Variants in BICD1 observed in about 807,000 individuals in gnomAD.
BICD1 encodes the protein BICD cargo adaptor 1, also known as protein bicaudal D homolog 1.
Under a neutral mutation model 92.5 loss-of-function variants are expected in BICD1, and 35 were observed. That is an observed-to-expected ratio of 0.38 (90% CI 0.29 to 0.50). BICD1 has a LOEUF of 0.50. BICD1 is among the 20% of genes least tolerant of loss of function. BICD1 has a pLI of 0.93. For synonymous variants in BICD1, 429 were observed against 465.1 expected, an observed-to-expected ratio of 0.92 and a Z score of 1.00; for missense variants, 950 against 1,189.8, an observed-to-expected ratio of 0.80 and a Z score of 2.97.
intron 4 of BICD1, among the ~76,000 whole-genome samples, chr12:32,307,080 T>A (rs547401257): frequency 6.6e-6 from 1 of 152,090 alleles, no homozygotes; most frequent in South Asian, 2.1e-4. Flanking sequence ...AACAAAAGAA[T>A]TCAAAAGCTT....
rs189798509 is a variant in BICD1 at position 32,315,088 on chromosome 12, T to C, written c.1005+8966T>C. Among the ~76,000 whole-genome samples, 10 of 152,354 alleles carry C rather than the reference T, an allele frequency of 6.6e-5. No homozygotes were observed. The East Asian group carries it at 1.9e-3, about 29-fold the overall frequency. ...TCCTCTAAGAGTTTTATAGTTTATC[T>C]CTTACATTTAGGTCTTTGATCCATT... On this transcript the variant is annotated intron_variant, in intron 4 of 9. Coordinates refer to ENST00000652176, the MANE Select transcript of BICD1 (RefSeq NM_001714.4).
chr12:32,200,683 T>C (rs7296468), intron 1 of BICD1, among the ~76,000 whole-genome samples: 95,832 of 151,958 alleles, frequency 0.63, 31,243 homozygotes, highest in Middle Eastern at 0.8. Flanking sequence ...TTATATGCAA[T>C]AGTGAATAAT....
At chr12:32,348,334 T>A (rs1303132583) in intron 8 of BICD1, among the ~76,000 whole-genome samples, 1 of 152,208 alleles carries the variant, frequency 6.6e-6, no homozygotes, top group Non-Finnish European at 1.5e-5. Flanking sequence ...TTGACTATTT[T>A]AGTACCATTA....
chr12:32,359,845 T>C (rs938811606), intron 8 of BICD1, among the ~76,000 whole-genome samples: 9 of 152,132 alleles, frequency 5.9e-5, no homozygotes, highest in African/African-American at 1.9e-4. Flanking sequence ...GAGGCGTGTG[T>C]GTTCCTTATA....
Position 32,305,936 on chromosome 12 carries a change from C to T in BICD1, c.819C>T (p.Ala273=), listed in dbSNP as rs200219193. Residue 273 remains alanine, a synonymous_variant, in exon 4 of 10, where the codon GCC becomes GCT. Transcript: ENST00000652176. ...ISISVDGLKF[A]EDGSEPNNDD... ...TCTCAGTAGATGGACTCAAATTTGCCGAGGATGGGAGTGAACCAAACAATG... is the reference window on the plus strand; with the variant it reads ...TCTCAGTAGATGGACTCAAATTTGCTGAGGATGGGAGTGAACCAAACAATG... The T allele has an allele frequency of 5.0e-6, 8 of 1,613,932 alleles. No individual in the cohort carries two copies. Among genetic ancestry groups the T allele is most frequent in the East Asian group, 4.5e-5 (2 of 44,894 alleles).
chr12:32,374,950 GCT>G (rs1183706940), intron 9 of BICD1, among the ~76,000 whole-genome samples: 1 of 97,614 alleles, frequency 1.0e-5, no homozygotes, highest in Non-Finnish European at 1.8e-5. Context: ...ACGGAGTCTC[GCT>G]CTGTCGTCCA....
chr12:32,151,208 A>G (rs138654976), intron 1 of BICD1, among the ~76,000 whole-genome samples: 7,441 of 152,292 alleles, frequency 0.049, 270 homozygotes, highest in Non-Finnish European at 0.078. Context: ...ACATAGAAGC[A>G]CAGGTTCCCA....
At chr12:32,316,495 T>A (rs1948504463) in intron 4 of BICD1, among the ~76,000 whole-genome samples, 1 of 151,618 alleles carries the variant, frequency 6.6e-6, no homozygotes, top group South Asian at 2.1e-4. Context: ...GAGACGGAGT[T>A]TCACCATGTC....
chr12:32,317,767 T>C (rs1042023012), intron 4 of BICD1, among the ~76,000 whole-genome samples: 2 of 152,180 alleles, frequency 1.3e-5, no homozygotes, highest in African/African-American at 4.8e-5. Context: ...TTTGGTGTTT[T>C]AGACATGAAG....
intron 2 of BICD1, among the ~76,000 whole-genome samples, chr12:32,255,035 T>A (rs1045879669): frequency 6.6e-6 from 1 of 152,090 alleles, no homozygotes; most frequent in African/African-American, 2.4e-5. Context: ...GAAATTGATT[T>A]CTCACAGTTC....
intron 1 of BICD1, among the ~76,000 whole-genome samples, chr12:32,136,430 G>A (rs1327774651): frequency 1.3e-5 from 2 of 152,184 alleles, no homozygotes; most frequent in Admixed American, 6.5e-5. Flanking sequence ...CCCAGAAAAC[G>A]AGGATCGTAA....
chr12:32,311,066 A>G (rs1485426263), intron 4 of BICD1, among the ~76,000 whole-genome samples: 2 of 152,216 alleles, frequency 1.3e-5, no homozygotes, highest in Non-Finnish European at 2.9e-5. Flanking sequence ...TAAGAGATTT[A>G]TTCTGAGCCA....
At chr12:32,199,667 G>T (rs930724154) in intron 1 of BICD1, among the ~76,000 whole-genome samples, 3 of 152,224 alleles carry the variant, frequency 2.0e-5, no homozygotes, top group South Asian at 2.1e-4. Context: ...TATAGCTAAG[G>T]TCTGAGTCCT....
chr12:32,296,264 T>G lies in BICD1; in HGVS notation c.579+2118T>G, dbSNP rs1410163175. Among the ~76,000 whole-genome samples the G allele has an allele frequency of 4.2e-4, 61 of 146,622 alleles. 1 individual carries two copies. Among genetic ancestry groups the G allele is most frequent in the East Asian group, 2.0e-4 (1 of 4,970 alleles). ...AGAAGGGGTTTTTTTTTGTTTTTTT[T>G]TTTTTTTTTTGAGAGACGGAGTCTC... is the stretch of plus-strand genomic sequence containing the variant. On this transcript the variant is annotated intron_variant, in intron 3 of 9. Transcript: ENST00000652176.
rs1946224536 is a variant in BICD1, at chr12:32,241,118, C to T, written c.426+24659C>T. Among the ~76,000 whole-genome samples, 8 of 152,270 alleles carry T rather than the reference C, an allele frequency of 5.3e-5. No individual in the cohort carries two copies. In the South Asian group the frequency reaches 1.7e-3, roughly 32 times the overall value. The stretch of plus-strand genomic sequence containing the variant: ...AGAAACACCATTGAGTTGGCAAATG[C>T]TTTCGATGTGTACGTGCAGAAAGTC... On this transcript the variant is annotated intron_variant, in intron 2 of 9. Transcript: ENST00000652176.
At chr12:32,182,572 C>G (rs1944308344) in intron 1 of BICD1, among the ~76,000 whole-genome samples, 1 of 151,686 alleles carries the variant, frequency 6.6e-6, no homozygotes, top group Admixed American at 6.6e-5. Context: ...CATGAGCCAC[C>G]ATGCCCCGCT....
At chr12:32,258,458 G>T (rs1170577631) in intron 2 of BICD1, among the ~76,000 whole-genome samples, 2 of 152,090 alleles carry the variant, frequency 1.3e-5, no homozygotes, top group East Asian at 3.9e-4. Flanking sequence ...TTCTCTCCGT[G>T]TGTGGAAACG....
At chr12:32,126,447 T>A (rs1420500343) in intron 1 of BICD1, among the ~76,000 whole-genome samples, 1 of 151,624 alleles carries the variant, frequency 6.6e-6, no homozygotes, top group Non-Finnish European at 1.5e-5. Context: ...TCACCATAGA[T>A]AGTATTCTTA....
chr12:32,130,349 G>A (rs377488574), intron 1 of BICD1, among the ~76,000 whole-genome samples: 3 of 152,010 alleles, frequency 2.0e-5, no homozygotes, highest in Non-Finnish European at 4.4e-5. Flanking sequence ...GACTACAGGC[G>A]CCTGCCACCG....
Sources: gnomAD v4.1 joint callset for allele counts (sites outside exome capture counted in the v4.1 genomes callset) on GRCh38, gnomAD v4.1.1 for gene constraint, MANE v1.5 for transcripts, NCBI Gene and HGNC (gene_info 2026-07-23, HGNC 2026-07-21) for gene names.